Variants in C4orf50 observed in about 807,000 individuals in gnomAD.
C4orf50 encodes uncharacterized protein C4orf50.
Under a neutral mutation model 77.2 loss-of-function variants are expected in C4orf50, and 80 were observed. The ratio of observed to expected loss-of-function variants is 1.04; its 90% confidence interval spans 0.87 to 1.25. C4orf50 has a LOEUF of 1.25. Among genes scored for constraint, C4orf50 ranks in the 50% most tolerant of loss-of-function variants. The pLI is 0.00. For missense variants in C4orf50, 1,257 were observed against 1,152.9 expected (o/e 1.09, Z -1.31); for synonymous variants, 532 against 465.3 (o/e 1.14, Z -1.84).
chr4:5,937,485 G>A (rs1315046957), intron 7 of C4orf50, among the ~76,000 whole-genome samples: 1 of 152,070 alleles, frequency 6.6e-6, no homozygotes, highest in East Asian at 1.9e-4. Context: ...AAAATCAGAA[G>A]CATAGCAAAG....
Position 5,980,191 on chromosome 4 carries a change from C to A in C4orf50, c.3847G>T (p.Glu1283Ter). The A allele has an allele frequency of 6.2e-7, 1 of 1,600,970 alleles. No individual in the cohort carries two copies. The change falls in exon 29 of 34, where the codon GAG becomes TAG. Residue 1283 changes from glutamate to a stop codon, truncating the protein, a stop_gained. Coordinates refer to ENST00000531445, the Ensembl canonical transcript of C4orf50. LOFTEE classifies it high-confidence loss of function. ...TCCCACACCTTGGCCTGGAGCTCCTCCTGGAGGCGGGTGGCCTCGTCCAGA... is the reference window on the plus strand; with the variant it reads ...TCCCACACCTTGGCCTGGAGCTCCTACTGGAGGCGGGTGGCCTCGTCCAGA...
Position 5,958,303 on chromosome 4 carries a change from G to A in C4orf50, c.*1072C>T, listed in dbSNP as rs1719080564. ...AGTCTCTGTTCTCGGTGGAAGGAAG[G>A]GGTGCTGGATGGGAACGATGCAGTG... is the stretch of plus-strand genomic sequence containing the variant. On this transcript the variant is annotated 3_prime_UTR_variant, in exon 34 of 34. Transcript: ENST00000531445. This position sits in a 1 kb window ranked among gnomAD's most constrained non-coding sequence, Gnocchi z 5.4. The A allele has an allele frequency of 6.6e-6, 1 of 150,474 alleles. No homozygotes were observed. The highest frequency in any genetic ancestry group is 2.5e-5 in the African/African-American group (1 of 40,812). The allele number at this position is 150,474 out of a possible 1,614,324, so 9.3% of individuals were successfully genotyped here. A position where few individuals can be genotyped will look rare whatever the true frequency, so the allele number is the denominator to read the frequency against.
chr4:6,008,331 G>A lies in C4orf50; in HGVS notation c.628C>T (p.Arg210Trp), dbSNP rs1215597746. ...AGGCCCGCGGCGCGGCAGAGGCGCC[G>A]CACGTTGCGCTCCAGCCGCTGCACC... The change falls in exon 25 of 34, where the codon CGG (arginine) becomes TGG (tryptophan). Residue 210 changes from arginine to tryptophan, a missense_variant. Coordinates refer to ENST00000531445, the Ensembl canonical transcript of C4orf50. This position sits in a 1 kb window ranked among gnomAD's most constrained non-coding sequence, Gnocchi z 6.0. The A allele has an allele frequency of 1.0e-5, 4 of 388,942 alleles. No individual in the cohort carries two copies. Among genetic ancestry groups the A allele is most frequent in the Non-Finnish European group, 1.8e-5 (4 of 220,026 alleles). The allele number at this position is 388,942 out of a possible 1,614,324, so 24.1% of individuals were successfully genotyped here.
chr4:5,989,374 A>C, exon 28 of C4orf50: 6 of 1,536,052 alleles, frequency 3.9e-6, no homozygotes, highest in Non-Finnish European at 5.2e-6. Context: ...GTTACCAGGA[A>C]CTTCGCTGGT....
rs1394861657 is a variant in C4orf50, at chr4:5,973,652, A to T, written c.4104+7T>A. On this transcript the variant is annotated splice_region_variant and intron_variant, in intron 31 of 33. Transcript: ENST00000531445. ...AAGCACAGACAGGGCCATCTCTGGG[A>T]CTCTACCTCTGGGACTCCCGGAGCC... 1.9e-6 allele frequency: 3 copies of T among 1,607,142 alleles called. No individual in the cohort carries two copies. The highest frequency in any genetic ancestry group is 2.6e-6 in the Non-Finnish European group (3 of 1,175,640).
chr4:6,001,073 C>A (rs1024410033), intron 25 of C4orf50, among the ~76,000 whole-genome samples: 1 of 152,186 alleles, frequency 6.6e-6, no homozygotes, highest in Non-Finnish European at 1.5e-5. Flanking sequence ...TCTTGCTAGT[C>A]GAAATTCTCC....
intron 26 of C4orf50, among the ~76,000 whole-genome samples, chr4:5,993,559 G>A (rs1264384472): frequency 1.3e-5 from 2 of 152,216 alleles, no homozygotes; most frequent in Non-Finnish European, 2.9e-5. Context: ...GCTCATGCCT[G>A]TAATCCCAGC....
exon 28 of C4orf50, chr4:5,989,891 C>G: frequency 2.1e-6 from 3 of 1,436,410 alleles, no homozygotes; most frequent in South Asian, 1.5e-5. Context: ...TCCAGGCTTC[C>G]TCCTTGCAGA....
chr4:6,016,751 A>C (rs1000028695), intron 23 of C4orf50, among the ~76,000 whole-genome samples: 1 of 152,216 alleles, frequency 6.6e-6, no homozygotes, highest in Non-Finnish European at 1.5e-5. Context: ...ATGGGCAATC[A>C]CATAGAGTAA....
intron 7 of C4orf50, among the ~76,000 whole-genome samples, chr4:5,917,970 G>A (rs1717104328): frequency 6.6e-6 from 1 of 152,128 alleles, no homozygotes; most frequent in Non-Finnish European, 1.5e-5. Context: ...GAGAGCCGGG[G>A]ACTGGCCCGA....
chr4:5,911,957 A>C (rs1716824836), intron 7 of C4orf50, among the ~76,000 whole-genome samples: 1 of 152,148 alleles, frequency 6.6e-6, no homozygotes, highest in Non-Finnish European at 1.5e-5. Context: ...GAGGCGGGAA[A>C]ATCGCTTTAA....
chr4:5,973,729 G>C (rs773393315), exon 31 of C4orf50: 1 of 1,613,832 alleles, frequency 6.2e-7, no homozygotes, highest in Non-Finnish European at 8.5e-7. Context: ...CATGTTCTGC[G>C]CCAGCTCGGA....
chr4:5,948,132 C>A (rs1718560033), intron 7 of C4orf50, among the ~76,000 whole-genome samples: 1 of 152,192 alleles, frequency 6.6e-6, no homozygotes, highest in Non-Finnish European at 1.5e-5. Context: ...GCAAGAGGCA[C>A]AGAGCAGGCA....
intron 30 of C4orf50, among the ~76,000 whole-genome samples, chr4:5,974,676 A>G (rs944048712): frequency 6.6e-6 from 1 of 152,172 alleles, no homozygotes; most frequent in Non-Finnish European, 1.5e-5. Context: ...CAGAGCCCCC[A>G]GCTTCTCCTC....
At chr4:5,943,402 T>G (rs1395166343) in intron 7 of C4orf50, among the ~76,000 whole-genome samples, 3 of 152,226 alleles carry the variant, frequency 2.0e-5, no homozygotes, top group Non-Finnish European at 4.4e-5. Flanking sequence ...TATGCACCTT[T>G]GCACTGATGT....
intron 7 of C4orf50, among the ~76,000 whole-genome samples, chr4:5,933,653 G>A (rs1198983645): frequency 2.6e-5 from 4 of 152,216 alleles, no homozygotes; most frequent in Non-Finnish European, 4.4e-5. Context: ...GGTTAGGGGC[G>A]TACTCAGCAG....
At chr4:5,987,238 C>T (rs1169057297) in intron 28 of C4orf50, among the ~76,000 whole-genome samples, 3 of 151,574 alleles carry the variant, frequency 2.0e-5, no homozygotes, top group Non-Finnish European at 2.9e-5. Context: ...TGGGGAAACC[C>T]CGTCTCTACT....
rs760713709 is a variant in C4orf50, at chr4:5,919,501, G to A, written c.*2475-21313C>T. Among the ~76,000 whole-genome samples the A allele has an allele frequency of 2.0e-5, 3 of 152,190 alleles. No individual in the cohort carries two copies. The highest frequency in any genetic ancestry group is 2.0e-4 in the Admixed American group (3 of 15,290). ...GCAGCCCCACAGAGACTGTGCAGGAGGCCATGTCGAGGACGTCTCCCAGGA... is the reference window on the plus strand; with the variant it reads ...GCAGCCCCACAGAGACTGTGCAGGAAGCCATGTCGAGGACGTCTCCCAGGA... On this transcript the variant is annotated intron_variant, in intron 7 of 7. Transcript: ENST00000324058. This position sits in a 1 kb window ranked among gnomAD's most constrained non-coding sequence, Gnocchi z 6.5.
rs932402047 is a variant in C4orf50 at position 6,011,920 on chromosome 4, G to C, written c.336C>G (p.Asp112Glu). The change falls in exon 24 of 34, where the codon GAC becomes GAG. Residue 112 changes from aspartate (D) to glutamate (E), a missense_variant. By Grantham distance (45) the Asp-to-Glu change is conservative. Coordinates refer to ENST00000531445, the Ensembl canonical transcript of C4orf50. This position sits in a 1 kb window ranked among gnomAD's most constrained non-coding sequence, Gnocchi z 4.2. Reference sequence around the variant, plus strand: ...CCTGGGCCACGTGGGTGCTCAGCTGGTCCACCTTCCGGAGGAGTTTCCTTT... The same window carrying C: ...CCTGGGCCACGTGGGTGCTCAGCTGCTCCACCTTCCGGAGGAGTTTCCTTT... The C allele has an allele frequency of 5.0e-6, 2 of 398,964 alleles. No individual in the cohort carries two copies. Among genetic ancestry groups the C allele is most frequent in the African/African-American group, 4.1e-5 (2 of 48,642 alleles). The allele number at this position is 398,964 out of a possible 1,614,324, so 24.7% of individuals were successfully genotyped here.
Sources: gnomAD v4.1 joint callset for allele counts (sites outside exome capture counted in the v4.1 genomes callset) on GRCh38, gnomAD v4.1.1 for gene constraint, Gnocchi (gnomAD v3.1) non-coding constraint, MANE v1.5 for transcripts, NCBI Gene and HGNC (gene_info 2026-07-23, HGNC 2026-07-21) for gene names.